The following ZFPM2 variants were observed in gnomAD, a reference collection of about 807,000 sequenced individuals.
ZFPM2 encodes the protein zinc finger protein ZFPM2.
A neutral mutation model predicts 98.6 loss-of-function variants in ZFPM2; 20 were observed. The observed-to-expected ratio is 0.20, with a 90% CI of 0.14 to 0.29. The LOEUF is 0.29. Among genes scored for constraint, ZFPM2 ranks in the 10% least tolerant of loss-of-function variants. The pLI is 1.00. For missense variants in ZFPM2, 1,310 were observed against 1,388.6 expected (o/e 0.94, Z 0.90); for synonymous variants, 518 against 502.7 (o/e 1.03, Z -0.41).
intron 4 of ZFPM2, among the ~76,000 whole-genome samples, chr8:105,627,023 A>T (rs1196491094): frequency 6.6e-6 from 1 of 152,146 alleles, no homozygotes; most frequent in Admixed American, 6.6e-5. Context: ...CCTTTTGGAA[A>T]TCCTCAATAT....
chr8:105,495,902 A>T (rs1813456599), intron 3 of ZFPM2, among the ~76,000 whole-genome samples: 1 of 152,188 alleles, frequency 6.6e-6, no homozygotes. Context: ...TTGTTTGGAA[A>T]TAATTTTAGG....
chr8:105,803,281 C>G lies in ZFPM2; in HGVS notation c.3199C>G (p.Pro1067Ala), dbSNP rs1814099414. The G allele has an allele frequency of 6.3e-7, 1 of 1,595,746 alleles. No individual in the cohort carries two copies. Among genetic ancestry groups the G allele is most frequent in the South Asian group, 1.1e-5 (1 of 87,898 alleles). ...ACAGCAAGAGAACATTTCCCAGAAT[C>G]CTCAGCACGAAGACGACCACAAATC... is the stretch of plus-strand genomic sequence containing the variant. ...NPQQENISQNPQHEDDHKSPS... is the reference protein window; with the variant it reads ...NPQQENISQNAQHEDDHKSPS... Residue 1067 changes from proline (P) to alanine (A), a missense_variant, in exon 8 of 8, where the codon CCT (proline) becomes GCT (alanine). By Grantham distance (27) the Pro-to-Ala change is conservative. Coordinates refer to ENST00000407775, the MANE Select transcript of ZFPM2 (RefSeq NM_012082.4).
At chr8:105,789,099 T>A (rs903268583) in intron 6 of ZFPM2, 175 bp downstream of exon 6, 27 of 583,034 alleles carry the variant, frequency 4.6e-5, no homozygotes, top group African/African-American at 3.0e-4. Context: ...CTTTTTTTTT[T>A]TATACTTTAA....
intron 5 of ZFPM2, among the ~76,000 whole-genome samples, chr8:105,669,780 G>A (rs1257046075): frequency 6.6e-6 from 1 of 152,084 alleles, no homozygotes; most frequent in Non-Finnish European, 1.5e-5. Context: ...AAGCAACTCC[G>A]ACTACAGCTA....
chr8:105,795,028 G>A (rs1254926406), intron 6 of ZFPM2, among the ~76,000 whole-genome samples: 15 of 152,130 alleles, frequency 9.9e-5, no homozygotes, highest in East Asian at 3.9e-4. Context: ...GACCCCTTGC[G>A]CTTCCCGAGT....
chr8:105,502,324 T>C (rs1023148246), intron 3 of ZFPM2, among the ~76,000 whole-genome samples: 8 of 151,962 alleles, frequency 5.3e-5, no homozygotes, highest in East Asian at 1.9e-4. Context: ...AGAATATCAA[T>C]TAAAAAACAG....
At chr8:105,621,332 G>A (rs375003381) in intron 4 of ZFPM2, among the ~76,000 whole-genome samples, 1 of 152,140 alleles carries the variant, frequency 6.6e-6, no homozygotes, top group Admixed American at 6.5e-5. Flanking sequence ...CTGTTTGTCT[G>A]TTATTAGTGT....
At chr8:105,743,522 C>T (rs1310554089) in intron 5 of ZFPM2, among the ~76,000 whole-genome samples, 1 of 152,034 alleles carries the variant, frequency 6.6e-6, no homozygotes, top group Admixed American at 6.6e-5. Flanking sequence ...CTGATCTCTT[C>T]ACTCCTCTAT....
chr8:105,482,945 C>G (rs1241676735), intron 3 of ZFPM2, among the ~76,000 whole-genome samples: 1 of 141,220 alleles, frequency 7.1e-6, no homozygotes, highest in East Asian at 2.1e-4. Flanking sequence ...CCTTCTCTTC[C>G]TTTCTTCCCT....
chr8:105,518,101 T>C (rs1231211753), intron 3 of ZFPM2, among the ~76,000 whole-genome samples: 3 of 152,212 alleles, frequency 2.0e-5, no homozygotes, highest in African/African-American at 7.2e-5. Context: ...GATATCATCA[T>C]TGCTATCTCA....
intron 3 of ZFPM2, among the ~76,000 whole-genome samples, chr8:105,539,900 C>T (rs1196437356): frequency 6.6e-6 from 1 of 152,050 alleles, no homozygotes; most frequent in African/African-American, 2.4e-5. Flanking sequence ...CTTCATCTGT[C>T]CAAAGAATTT....
At position 105,620,011 on chromosome 8, in the gene ZFPM2, T is replaced by A. The variant is rs552367178; in HGVS notation, c.421-14235T>A. ...AAATATACGTGTGCATGTGTCTTTA[T>A]AACAGCATGATTTATAATCCTTTGG... On this transcript the variant is annotated intron_variant, in intron 4 of 7. Transcript: ENST00000407775. Among the ~76,000 whole-genome samples, 4 of 152,298 alleles carry A rather than the reference T, an allele frequency of 2.6e-5. No homozygotes were observed. The South Asian group carries it at 8.3e-4, about 32-fold the overall frequency.
intron 3 of ZFPM2, among the ~76,000 whole-genome samples, chr8:105,494,602 A>C (rs1813424286): frequency 6.6e-6 from 1 of 152,160 alleles, no homozygotes; most frequent in African/African-American, 2.4e-5. Context: ...GAAGATAATA[A>C]CTAAGTTACT....
At chr8:105,358,510 C>A (rs111776168) in intron 1 of ZFPM2, 1 of 152,140 alleles carries the variant, frequency 6.6e-6, no homozygotes, top group Non-Finnish European at 1.5e-5. Flanking sequence ...GTGCACGGAC[C>A]AAAGCTATCA....
At chr8:105,378,933 G>T (rs1465600511) in intron 1 of ZFPM2, among the ~76,000 whole-genome samples, 2 of 152,028 alleles carry the variant, frequency 1.3e-5, no homozygotes, top group Non-Finnish European at 2.9e-5. Context: ...ATAGGCAGAT[G>T]GAGTATATTT....
Position 105,511,761 on chromosome 8 carries a change from T to G in ZFPM2, c.302-49602T>G, listed in dbSNP as rs565017489. ...CAACATTATACCCTGAACTCTTGAT[T>G]ACAGAAATCACTTGGTCAGTTCAGA... On this transcript the variant is annotated intron_variant, in intron 3 of 7. Transcript: ENST00000407775. Among the ~76,000 whole-genome samples the G allele has an allele frequency of 9.5e-4, 145 of 152,324 alleles. 1 individual carries two copies. Among genetic ancestry groups the G allele is most frequent in the African/African-American group, 3.4e-3 (140 of 41,572 alleles).
At chr8:105,514,024 A>G (rs1258088181) in intron 3 of ZFPM2, among the ~76,000 whole-genome samples, 2 of 148,982 alleles carry the variant, frequency 1.3e-5, no homozygotes, top group African/African-American at 2.5e-5. Context: ...TTTTCCCAAG[A>G]TTAAGTGTCA....
At chr8:105,519,794 T>C (rs943981574) in intron 3 of ZFPM2, among the ~76,000 whole-genome samples, 1 of 151,994 alleles carries the variant, frequency 6.6e-6, no homozygotes, top group African/African-American at 2.4e-5. Context: ...TTTGATGGCC[T>C]GGATTTTTTT....
At chr8:105,621,386 G>A (rs1212890897) in intron 4 of ZFPM2, among the ~76,000 whole-genome samples, 1 of 152,172 alleles carries the variant, frequency 6.6e-6, no homozygotes, top group Non-Finnish European at 1.5e-5. Context: ...TGTATCGTGA[G>A]ACTTTGCTGA....
Sources: allele counts gnomAD v4.1 joint callset (sites outside exome capture counted in the v4.1 genomes callset), GRCh38; gene constraint gnomAD v4.1.1; transcripts MANE v1.5; gene names NCBI Gene and HGNC (gene_info 2026-07-23, HGNC 2026-07-21).